The following SDK1 variants were observed in gnomAD, a reference collection of about 807,000 sequenced individuals.
SDK1 encodes the protein protein sidekick-1.
A neutral mutation model predicts 245.5 loss-of-function variants in SDK1; 157 were observed. That is an observed-to-expected ratio of 0.64 (90% CI 0.56 to 0.73). SDK1 has a LOEUF of 0.73. Ranked by LOEUF, SDK1 falls within the 30% of genes least tolerant of loss-of-function variation. The pLI, the probability that SDK1 is intolerant of heterozygous loss-of-function variation, is 0.00. For synonymous variants in SDK1, 1,647 were observed against 1,278.5 expected, an observed-to-expected ratio of 1.29 and a Z score of -6.15; for missense variants, 3,583 against 3,002.3, an observed-to-expected ratio of 1.19 and a Z score of -4.52.
At chr7:3,442,025 C>T (rs909857868) in intron 1 of SDK1, among the ~76,000 whole-genome samples, 2 of 152,104 alleles carry the variant, frequency 1.3e-5, no homozygotes, top group African/African-American at 4.8e-5. Flanking sequence ...GCCACAGATG[C>T]CAGTTGACCG....
intron 1 of SDK1, among the ~76,000 whole-genome samples, chr7:3,481,195 A>G (rs1009957567): frequency 3.3e-5 from 5 of 152,214 alleles, no homozygotes; most frequent in Non-Finnish European, 5.9e-5. Context: ...TTTTTTGGGC[A>G]ATAATCCTTT....
intron 1 of SDK1, among the ~76,000 whole-genome samples, chr7:3,488,046 T>C (rs1781755539): frequency 6.6e-6 from 1 of 152,206 alleles, no homozygotes; most frequent in Non-Finnish European, 1.5e-5. Flanking sequence ...GAGGCTTGTT[T>C]CCCCCACACC....
At chr7:3,499,503 T>C (rs1419090328) in intron 1 of SDK1, among the ~76,000 whole-genome samples, 1 of 152,244 alleles carries the variant, frequency 6.6e-6, no homozygotes, top group African/African-American at 2.4e-5. Flanking sequence ...AAGCCCCATG[T>C]GTTCCTCTCT....
chr7:4,003,505 C>G (rs1237015598), intron 14 of SDK1, among the ~76,000 whole-genome samples: 2 of 152,184 alleles, frequency 1.3e-5, no homozygotes, highest in African/African-American at 4.8e-5. Flanking sequence ...GTTGCAGGAT[C>G]CCGTCCAGGA....
intron 43 of SDK1, among the ~76,000 whole-genome samples, chr7:4,243,576 A>G (rs747991766): frequency 6.6e-6 from 1 of 152,238 alleles, no homozygotes; most frequent in Non-Finnish European, 1.5e-5. Context: ...TGGCAGGCAA[A>G]GAGAGAGTTT....
intron 1 of SDK1, among the ~76,000 whole-genome samples, chr7:3,482,259 C>G (rs1365009080): frequency 6.6e-6 from 1 of 152,126 alleles, no homozygotes; most frequent in Admixed American, 6.5e-5. Context: ...AAATGTATTT[C>G]TGACCAGGCA....
intron 35 of SDK1, among the ~76,000 whole-genome samples, chr7:4,192,269 T>C (rs909009039): frequency 6.6e-6 from 1 of 152,094 alleles, no homozygotes; most frequent in African/African-American, 2.4e-5. Context: ...TTGCAGCAGA[T>C]TTTTTGTTTG....
chr7:3,570,447 A>C (rs1265408377), intron 1 of SDK1, among the ~76,000 whole-genome samples: 1 of 152,076 alleles, frequency 6.6e-6, no homozygotes, highest in African/African-American at 2.4e-5. Context: ...GGTTCCTAAC[A>C]GGCTATGGAC....
At chr7:3,351,785 A>C (rs538261972) in intron 1 of SDK1, among the ~76,000 whole-genome samples, 1 of 152,208 alleles carries the variant, frequency 6.6e-6, no homozygotes. Flanking sequence ...TGAATGCACA[A>C]TCCTAGTGGG....
Position 3,495,359 on chromosome 7 carries a change from G to A in SDK1, c.299-123721G>A, listed in dbSNP as rs528651452. ...TGCAGCCTCTGCCTCTCAGGCTCAG[G>A]TGATTCTCCTGCCTCAGCCTCCTGA... is the stretch of plus-strand genomic sequence containing the variant. On this transcript the variant is annotated intron_variant, in intron 1 of 44. Coordinates refer to ENST00000404826, the MANE Select transcript of SDK1 (RefSeq NM_152744.4). Among the ~76,000 whole-genome samples the A allele has an allele frequency of 5.7e-4, 85 of 149,230 alleles. 1 individual carries two copies. Among genetic ancestry groups the A allele is most frequent in the Non-Finnish European group, 1.1e-3 (72 of 67,716 alleles).
intron 4 of SDK1, among the ~76,000 whole-genome samples, chr7:3,644,110 C>T (rs903298571): frequency 1.1e-4 from 17 of 150,754 alleles, no homozygotes; most frequent in African/African-American, 4.1e-4. Context: ...ACCATGTGTC[C>T]AGGCTAGTCT....
At chr7:3,362,557 A>G (rs528620840) in intron 1 of SDK1, among the ~76,000 whole-genome samples, 3 of 152,130 alleles carry the variant, frequency 2.0e-5, no homozygotes, top group Non-Finnish European at 4.4e-5. Context: ...TATTAAACTT[A>G]AAAATTTTTT....
At chr7:4,151,371 G>A (rs679609) in intron 30 of SDK1, among the ~76,000 whole-genome samples, 117,466 of 152,160 alleles carry the variant, frequency 0.77, 45,833 homozygotes, top group African/African-American at 0.9. Context: ...CCCTGCGCAC[G>A]GGGCTTGTTT....
intron 1 of SDK1, among the ~76,000 whole-genome samples, chr7:3,554,124 T>G (rs1299157823): frequency 6.6e-6 from 1 of 152,214 alleles, no homozygotes; most frequent in Admixed American, 6.5e-5. Flanking sequence ...TTGACGTTTC[T>G]GGAATACTTC....
chr7:4,152,681 C>G (rs1201260550), intron 30 of SDK1, among the ~76,000 whole-genome samples: 1 of 152,200 alleles, frequency 6.6e-6, no homozygotes, highest in Non-Finnish European at 1.5e-5. Flanking sequence ...GAGAACATGT[C>G]ACAGGAGAAT....
At chr7:3,457,696 C>G (rs1300453766) in intron 1 of SDK1, among the ~76,000 whole-genome samples, 3 of 152,140 alleles carry the variant, frequency 2.0e-5, no homozygotes, top group Non-Finnish European at 4.4e-5. Flanking sequence ...TGGAGATCTT[C>G]CTCTAAGAGC....
chr7:3,389,953 G>C (rs1781706577), intron 1 of SDK1, among the ~76,000 whole-genome samples: 1 of 152,130 alleles, frequency 6.6e-6, no homozygotes, highest in Non-Finnish European at 1.5e-5. Context: ...AAAGACTGCT[G>C]GTGAGGGCTT....
At chr7:3,340,195 A>G (rs1164241531) in intron 1 of SDK1, among the ~76,000 whole-genome samples, 3 of 152,064 alleles carry the variant, frequency 2.0e-5, no homozygotes, top group African/African-American at 4.8e-5. Context: ...GAATGTAGGC[A>G]TACCTCAGAG....
chr7:3,700,735 C>T (rs1243939947), intron 4 of SDK1, among the ~76,000 whole-genome samples: 1 of 152,160 alleles, frequency 6.6e-6, no homozygotes, highest in Non-Finnish European at 1.5e-5. Flanking sequence ...TTTAAATACA[C>T]CAATGAAAAT....
Sources: allele counts gnomAD v4.1 joint callset (sites outside exome capture counted in the v4.1 genomes callset), GRCh38; gene constraint gnomAD v4.1.1; transcripts MANE v1.5; gene names NCBI Gene and HGNC (gene_info 2026-07-23, HGNC 2026-07-21).